Variants in DNAH7 observed in about 807,000 individuals in gnomAD.
The protein encoded by DNAH7 is axonemal beta dynein heavy chain 7.
Under a neutral mutation model 444.6 loss-of-function variants are expected in DNAH7, and 397 were observed. The observed-to-expected ratio is 0.89, with a 90% CI of 0.82 to 0.97. DNAH7 has a LOEUF of 0.97. DNAH7 is among the 50% of genes least tolerant of loss of function. The pLI is 0.00. For missense variants in DNAH7, 4,902 were observed against 4,800.8 expected, an observed-to-expected ratio of 1.02 and a Z score of -0.62; for synonymous variants, 1,636 against 1,624.4, an observed-to-expected ratio of 1.01 and a Z score of -0.17.
At chr2:195,756,537 G>A (rs183282521) in intron 61 of DNAH7, among the ~76,000 whole-genome samples, 8 of 151,614 alleles carry the variant, frequency 5.3e-5, no homozygotes, top group South Asian at 2.1e-4. Context: ...TTTTTGAGAC[G>A]GGATCCTTCT....
chr2:195,781,475 G>A (rs1198303892), intron 58 of DNAH7, among the ~76,000 whole-genome samples: 1 of 152,098 alleles, frequency 6.6e-6, no homozygotes, highest in Non-Finnish European at 1.5e-5. Context: ...CCCAGGGGTG[G>A]GTGGGTTGGT....
At chr2:195,920,057 A>G (rs577709983) in intron 24 of DNAH7, among the ~76,000 whole-genome samples, 1 of 152,324 alleles carries the variant, frequency 6.6e-6, no homozygotes, top group Admixed American at 6.5e-5. Context: ...AAATCACTAC[A>G]TGAAAACAGA....
At position 195,737,998 on chromosome 2, in the gene DNAH7, T is replaced by C. The variant is rs1362646864; in HGVS notation, c.11998A>G (p.Met4000Val). ...TGHSTNFVIA[M>V]TLPSDQPKEH... ...TTGGGTTGGTCAGAGGGAAGAGTCATGGCAATCACAAAATTCGTGGAATGG... is the reference window on the plus strand; with the variant it reads ...TTGGGTTGGTCAGAGGGAAGAGTCACGGCAATCACAAAATTCGTGGAATGG... The change falls in exon 65 of 65, where the codon ATG becomes GTG. Residue 4000 changes from methionine (M) to valine (V), a missense_variant. Met to Val is a conservative substitution (Grantham distance 21). Transcript: ENST00000312428. 6.2e-7 allele frequency: 1 copy of C among 1,614,136 alleles called. No individual in the cohort carries two copies. The highest frequency in any genetic ancestry group is 1.1e-5 in the South Asian group (1 of 91,086).
intron 19 of DNAH7, among the ~76,000 whole-genome samples, chr2:195,945,581 G>A (rs1689744012): frequency 1.3e-5 from 2 of 152,122 alleles, no homozygotes; most frequent in Admixed American, 6.6e-5. Context: ...TTCACTTCCA[G>A]AAAGTCAGAT....
intron 10 of DNAH7, 91 bp from the exon 11 acceptor site, chr2:196,001,949 A>T: frequency 2.0e-6 from 2 of 1,006,686 alleles, no homozygotes; most frequent in South Asian, 4.0e-5. Flanking sequence ...GGACATCTAA[A>T]GGTCTTCATA....
At chr2:195,966,660 C>A (rs1322077733) in intron 17 of DNAH7, among the ~76,000 whole-genome samples, 1 of 152,140 alleles carries the variant, frequency 6.6e-6, no homozygotes, top group Non-Finnish European at 1.5e-5. Flanking sequence ...TTATAATTGT[C>A]ATACCCTCTT....
chr2:195,790,846 CT>C (rs966211684), intron 57 of DNAH7, among the ~76,000 whole-genome samples: 1 of 152,058 alleles, frequency 6.6e-6, no homozygotes, highest in Non-Finnish European at 1.5e-5. Flanking sequence ...CAAGTGAGAC[CT>C]AATTAAACTA....
At chr2:195,935,350 A>G (rs1377201275) in intron 20 of DNAH7, among the ~76,000 whole-genome samples, 1 of 152,196 alleles carries the variant, frequency 6.6e-6, no homozygotes, top group African/African-American at 2.4e-5. Flanking sequence ...AACCCGTTGC[A>G]TTCATCTTTC....
Position 195,987,153 on chromosome 2 carries a change from A to G in DNAH7, c.1667T>C (p.Leu556Ser), listed in dbSNP as rs776138827. The change falls in exon 14 of 65, where the codon TTA becomes TCA. Residue 556 changes from leucine (L) to serine (S), a missense_variant. Transcript: ENST00000312428. Reference protein sequence around the residue: ...LGMFEMHCEELIRALVKRADI... With the variant: ...LGMFEMHCEESIRALVKRADI... The stretch of plus-strand genomic sequence containing the variant: ...TGCTCGCTTCACCAAAGCTCTGATT[A>G]ATTCCTCACAGTGCATTTCAAACAT... 2 of 1,606,452 alleles carry G rather than the reference A, an allele frequency of 1.2e-6. No homozygotes were observed. Among genetic ancestry groups the G allele is most frequent in the East Asian group, 4.5e-5 (2 of 44,544 alleles).
intron 53 of DNAH7, 117 bp downstream of exon 53, chr2:195,808,565 A>G (rs1696812802): frequency 8.1e-7 from 1 of 1,238,178 alleles, no homozygotes; most frequent in Non-Finnish European, 1.1e-6. Context: ...CAAAATTTGC[A>G]TTCTAACATG....
In DNAH7 at chr2:196,068,792, C is replaced by T. The variant is rs975963122; in HGVS notation, c.-81G>A. 1 of 1,521,216 alleles carries T rather than the reference C, an allele frequency of 6.6e-7. No individual in the cohort carries two copies. Among genetic ancestry groups the T allele is most frequent in the South Asian group, 1.2e-5 (1 of 81,716 alleles). The allele number at this position is 1,521,216 out of a possible 1,614,324, so 94.2% of individuals were successfully genotyped here. A position where few individuals can be genotyped will look rare whatever the true frequency, so the allele number is the denominator to read the frequency against. On this transcript the variant is annotated 5_prime_UTR_variant, in exon 1 of 65. Transcript: ENST00000312428. Reference sequence around the variant, plus strand: ...ACCCCTAGGACGATAGAGGCAGGGCCCCGGGACTTGCAGCGGTCTCAGCTC... The same window carrying T: ...ACCCCTAGGACGATAGAGGCAGGGCTCCGGGACTTGCAGCGGTCTCAGCTC...
intron 24 of DNAH7, among the ~76,000 whole-genome samples, chr2:195,912,995 G>A (rs1033245088): frequency 6.6e-6 from 1 of 151,998 alleles, no homozygotes; most frequent in Admixed American, 6.6e-5. Context: ...TTTAAAAAAT[G>A]ACACTTATAA....
At chr2:196,025,567 T>C (rs1373826435) in intron 7 of DNAH7, among the ~76,000 whole-genome samples, 3 of 152,136 alleles carry the variant, frequency 2.0e-5, no homozygotes, top group Non-Finnish European at 2.9e-5. Flanking sequence ...GCCAAGCATG[T>C]TCCCGACTAG....
chr2:195,942,302 C>T (rs929242808), intron 19 of DNAH7, among the ~76,000 whole-genome samples: 4 of 151,752 alleles, frequency 2.6e-5, no homozygotes, highest in Admixed American at 6.6e-5. Flanking sequence ...AGGGTCCAAC[C>T]AGTGCAAACG....
At chr2:195,931,110 T>G (rs1688662813) in intron 21 of DNAH7, among the ~76,000 whole-genome samples, 1 of 152,202 alleles carries the variant, frequency 6.6e-6, no homozygotes, top group African/African-American at 2.4e-5. Context: ...ATGGGATCAA[T>G]CACTCCCCAA....
chr2:196,026,857 A>G lies in DNAH7; in HGVS notation c.570T>C (p.Asp190=), dbSNP rs1160994029. Residue 190 remains aspartate (D), a synonymous_variant, in exon 7 of 65, where the codon GAT becomes GAC. Transcript: ENST00000312428. The part of the protein sequence containing the change: ...MEDSWLEHVL[D]LVPQHLKVFT... ...AGACTTTCAGATGTTGTGGAACTAA[A>G]TCCAGTACGTGTTCTAGCCAAGAAT... 1 of 1,612,462 alleles carries G rather than the reference A, an allele frequency of 6.2e-7. No homozygotes were observed. The highest frequency in any genetic ancestry group is 1.3e-5 in the African/African-American group (1 of 74,890).
At position 195,756,132 on chromosome 2, in the gene DNAH7, C is replaced by T; in HGVS notation, c.11586+1G>A. 1 of 1,593,754 alleles carries T rather than the reference C, an allele frequency of 6.3e-7. No homozygotes were observed. On this transcript the variant is annotated splice_donor_variant, in intron 62 of 64. Coordinates refer to ENST00000312428, the MANE Select transcript of DNAH7 (RefSeq NM_018897.3). LOFTEE classifies it high-confidence loss of function. ...ATATACGATCATTTAGACGAACTTA[C>T]CTGCAAGAATTTTAGTCTTGCAAGG... is the stretch of plus-strand genomic sequence containing the variant.
At chr2:195,923,833 A>C in intron 22 of DNAH7, 26 bp from the exon 23 acceptor site, 1 of 1,597,572 alleles carries the variant, frequency 6.3e-7, no homozygotes, top group Non-Finnish European at 8.6e-7. Flanking sequence ...ATAAGATATG[A>C]TTTCCCAATG....
At position 195,818,521 on chromosome 2, in the gene DNAH7, TA is replaced by T. The variant is rs1279512365; in HGVS notation, c.9292-693del. 2.0e-5 allele frequency among the ~76,000 whole-genome samples: 3 copies of T among 152,278 alleles called. No homozygotes were observed. In the South Asian group the frequency reaches 6.2e-4, roughly 32 times the overall value. On this transcript the variant is annotated intron_variant, in intron 49 of 64. Coordinates refer to ENST00000312428, the MANE Select transcript of DNAH7 (RefSeq NM_018897.3). ...GCAAACATGCTGAGGACTCTTTTTT[TA>T]AAAAAAGCAAACAACAAACAAATCA...
Sources: gnomAD v4.1 joint callset for allele counts (sites outside exome capture counted in the v4.1 genomes callset) on GRCh38, gnomAD v4.1.1 for gene constraint, MANE v1.5 for transcripts, NCBI Gene and HGNC (gene_info 2026-07-23, HGNC 2026-07-21) for gene names.